The following ZFHX4 variants were observed in gnomAD, a reference collection of about 807,000 sequenced individuals.
ZFHX4 encodes the protein zinc finger homeobox 4, also known as zinc finger homeobox protein 4.
A neutral mutation model predicts 267.6 loss-of-function variants in ZFHX4; 56 were observed. The observed-to-expected ratio is 0.21, with a 90% confidence interval of 0.17 to 0.26. The LOEUF is 0.26. Ranked by LOEUF, ZFHX4 falls within the 10% of genes least tolerant of loss-of-function variation. The pLI is 1.00. For missense variants in ZFHX4, 4,332 were observed against 4,420.0 expected (o/e 0.98, Z 0.56); for synonymous variants, 1,778 against 1,665.6 (o/e 1.07, Z -1.64).
intron 10 of ZFHX4, among the ~76,000 whole-genome samples, chr8:76,858,485 G>A (rs1165415906): frequency 6.6e-6 from 1 of 152,198 alleles, no homozygotes; most frequent in Non-Finnish European, 1.5e-5. Context: ...GCTACCTACT[G>A]AAATTTTCAA....
At chr8:76,860,353 C>T (rs368283373) in intron 10 of ZFHX4, among the ~76,000 whole-genome samples, 1 of 151,820 alleles carries the variant, frequency 6.6e-6, no homozygotes, top group Admixed American at 6.6e-5. Context: ...TTTGGGATTC[C>T]TATTGCAGTC....
chr8:76,861,834 G>T (rs1007058103), intron 10 of ZFHX4, among the ~76,000 whole-genome samples: 1 of 151,064 alleles, frequency 6.6e-6, no homozygotes, highest in Non-Finnish European at 1.5e-5. Flanking sequence ...TTAACAAGAT[G>T]GCTCTATGAA....
chr8:76,741,608 G>A (rs1481135689), intron 3 of ZFHX4, among the ~76,000 whole-genome samples: 2 of 152,152 alleles, frequency 1.3e-5, no homozygotes, highest in East Asian at 3.9e-4. Flanking sequence ...GCAGAAACAA[G>A]GCAAGTTTGT....
intron 1 of ZFHX4, among the ~76,000 whole-genome samples, chr8:76,700,834 A>G (rs1808083143): frequency 6.6e-6 from 1 of 152,178 alleles, no homozygotes; most frequent in Non-Finnish European, 1.5e-5. Flanking sequence ...GATTTTACAA[A>G]CAGAATGTCT....
intron 3 of ZFHX4, among the ~76,000 whole-genome samples, chr8:76,709,516 T>TA (rs1808366020): frequency 6.6e-6 from 1 of 152,088 alleles, no homozygotes; most frequent in South Asian, 2.1e-4. Context: ...ACTTTTAAAA[T>TA]ACCTAGGAGA....
chr8:76,821,551 G>C (rs1408515330), intron 4 of ZFHX4, among the ~76,000 whole-genome samples: 2 of 148,282 alleles, frequency 1.3e-5, no homozygotes, highest in Non-Finnish European at 3.0e-5. Context: ...TCACTAGGCT[G>C]TCTATACCAC....
At chr8:76,843,036 A>G (rs1370912001) in intron 6 of ZFHX4, among the ~76,000 whole-genome samples, 1 of 152,210 alleles carries the variant, frequency 6.6e-6, no homozygotes, top group East Asian at 1.9e-4. Context: ...GACCAGTGAG[A>G]TTATTTTTTA....
At chr8:76,850,181 A>C in intron 8 of ZFHX4, 64 bp from the exon 9 acceptor site, 6 of 1,285,636 alleles carry the variant, frequency 4.7e-6, no homozygotes, top group Non-Finnish European at 6.6e-6. Flanking sequence ...CCAGCAAAAG[A>C]GAGATGTGAT....
At chr8:76,763,759 T>G (rs4503074) in intron 3 of ZFHX4, among the ~76,000 whole-genome samples, 46,315 of 152,098 alleles carry the variant, frequency 0.3, 10,215 homozygotes, top group African/African-American at 0.62. Context: ...AAAAATGTGC[T>G]ATAGGCGTAG....
chr8:76,765,430 C>G (rs1448278978), intron 3 of ZFHX4, among the ~76,000 whole-genome samples: 3 of 151,982 alleles, frequency 2.0e-5, no homozygotes, highest in African/African-American at 7.2e-5. Flanking sequence ...GTTTATGCCT[C>G]TTTTTTTCTG....
At chr8:76,795,064 C>A (rs1322509076) in intron 4 of ZFHX4, among the ~76,000 whole-genome samples, 1 of 152,020 alleles carries the variant, frequency 6.6e-6, no homozygotes, top group Non-Finnish European at 1.5e-5. Context: ...CTTTTCAAGT[C>A]CCAGGGAAAA....
chr8:76,772,256 T>C (rs1810283662), intron 3 of ZFHX4, among the ~76,000 whole-genome samples: 1 of 152,168 alleles, frequency 6.6e-6, no homozygotes, highest in Non-Finnish European at 1.5e-5. Context: ...AGTTGTGTTT[T>C]TTATTTGTTG....
rs1563516698 is a variant in ZFHX4, at chr8:76,778,291, G to A, written c.3177G>A (p.Lys1059=). ...CAVCDYTTKV[K]LNLVQHVRSV... ...TGTGTGATTACACCACCAAGGTCAA[G>A]TTGAATCTGGTACAACATGTCCGTT... Residue 1059 remains lysine, a synonymous_variant, in exon 4 of 11, where the codon AAG becomes AAA. Transcript: ENST00000651372. 6.2e-7 allele frequency: 1 copy of A among 1,613,868 alleles called. No homozygotes were observed. Among genetic ancestry groups the A allele is most frequent in the Non-Finnish European group, 8.5e-7 (1 of 1,179,800 alleles).
At chr8:76,752,334 A>G (rs1233660683) in intron 3 of ZFHX4, among the ~76,000 whole-genome samples, 2 of 151,408 alleles carry the variant, frequency 1.3e-5, no homozygotes, top group Admixed American at 1.3e-4. Context: ...TTAAAAGAGT[A>G]TTAAAAAAAA....
chr8:76,693,089 AT>A (rs1172427989), intron 1 of ZFHX4, among the ~76,000 whole-genome samples: 1 of 152,230 alleles, frequency 6.6e-6, no homozygotes, highest in African/African-American at 2.4e-5. Context: ...TGCAGCCTCC[AT>A]GAGGGTAGCA....
chr8:76,827,386 G>A (rs1430776112), intron 4 of ZFHX4, among the ~76,000 whole-genome samples: 1 of 152,162 alleles, frequency 6.6e-6, no homozygotes, highest in African/African-American at 2.4e-5. Context: ...ACAAGCCACG[G>A]ACCAGGAGCG....
intron 3 of ZFHX4, among the ~76,000 whole-genome samples, chr8:76,762,567 C>G (rs938027425): frequency 1.5e-4 from 23 of 152,102 alleles, no homozygotes; most frequent in African/African-American, 5.6e-4. Context: ...GCCATAAAAG[C>G]AAATGAATAT....
intron 4 of ZFHX4, among the ~76,000 whole-genome samples, chr8:76,788,480 C>G (rs547850088): frequency 6.6e-6 from 1 of 152,246 alleles, no homozygotes; most frequent in African/African-American, 2.4e-5. Flanking sequence ...GGCTCTCAGT[C>G]CAGATTTCAA....
chr8:76,710,643 G>T (rs1484893055), intron 3 of ZFHX4, among the ~76,000 whole-genome samples: 2 of 152,186 alleles, frequency 1.3e-5, no homozygotes, highest in African/African-American at 4.8e-5. Context: ...TTAAGGGGAA[G>T]TGACAAGTAG....
Sources: allele counts gnomAD v4.1 joint callset (sites outside exome capture counted in the v4.1 genomes callset), GRCh38; gene constraint gnomAD v4.1.1; transcripts MANE v1.5; gene names NCBI Gene and HGNC (gene_info 2026-07-23, HGNC 2026-07-21).